Variants in CIT observed in about 807,000 individuals in gnomAD.
CIT encodes the protein citron Rho-interacting kinase.
CIT carries 79 observed loss-of-function variants against 272.7 expected under a neutral mutation model. The ratio of observed to expected loss-of-function variants is 0.29; its 90% confidence interval spans 0.24 to 0.35. The LOEUF is 0.35. Among genes scored for constraint, CIT ranks in the 10% least tolerant of loss-of-function variants. The pLI is 1.00. For synonymous variants in CIT, 948 were observed against 995.6 expected, an observed-to-expected ratio of 0.95 and a Z score of 0.90; for missense variants, 1,909 against 2,618.3, an observed-to-expected ratio of 0.73 and a Z score of 5.91.
intron 10 of CIT, among the ~76,000 whole-genome samples, chr12:119,794,257 A>T (rs1166442764): frequency 6.6e-6 from 1 of 151,476 alleles, no homozygotes; most frequent in African/African-American, 2.5e-5. Flanking sequence ...GACTAGAACA[A>T]TATATTTGTT....
chr12:119,828,533 A>T (rs1056595305), intron 7 of CIT, among the ~76,000 whole-genome samples: 1 of 151,862 alleles, frequency 6.6e-6, no homozygotes, highest in Admixed American at 6.6e-5. Flanking sequence ...GCAGGAGGAC[A>T]CTATCTGATA....
intron 22 of CIT, 116 bp downstream of exon 22, chr12:119,757,255 C>T: frequency 1.5e-6 from 2 of 1,352,196 alleles, no homozygotes; most frequent in Non-Finnish European, 1.0e-6. Context: ...AGTCTGCCCC[C>T]TTAACCACCA....
In CIT at chr12:119,876,031, G is replaced by A. The variant is rs765220366; in HGVS notation, c.96+42C>T. 2.5e-6 allele frequency: 3 copies of A among 1,193,378 alleles called. No homozygotes were observed. The African/African-American group carries it at 4.6e-5, about 18-fold the overall frequency. The allele number at this position is 1,193,378 out of a possible 1,614,324, so 73.9% of individuals were successfully genotyped here. On this transcript the variant is annotated intron_variant, in intron 2 of 47. Coordinates refer to ENST00000392521, the MANE Select transcript of CIT (RefSeq NM_001206999.2). ...AAGGTGAGTGACAAGGAGATTCCAA[G>A]GACACACACAGGTGAGCAAAGTTGG...
At chr12:119,729,624 G>A (rs1958318329) in intron 27 of CIT, among the ~76,000 whole-genome samples, 1 of 152,118 alleles carries the variant, frequency 6.6e-6, no homozygotes, top group Non-Finnish European at 1.5e-5. Context: ...GTATATGTGT[G>A]TATGCATAAA....
Position 119,712,026 on chromosome 12 carries a change from A to G in CIT, c.4854+152T>C, listed in dbSNP as rs1957185842. On this transcript the variant is annotated intron_variant, in intron 37 of 47. Transcript: ENST00000392521. This position sits in a 1 kb window ranked among gnomAD's most constrained non-coding sequence, Gnocchi z 5.2. The stretch of plus-strand genomic sequence containing the variant: ...GTGCTTGTGCCTTCATCACCACCAG[A>G]CTCCTGGCCATGACACAGTCTAGAG... The G allele has an allele frequency of 1.1e-5, 7 of 640,792 alleles. No individual in the cohort carries two copies. The South Asian group carries it at 2.0e-4, about 18-fold the overall frequency. The allele number at this position is 640,792 out of a possible 1,614,324, so 39.7% of individuals were successfully genotyped here. A position where few individuals can be genotyped will look rare whatever the true frequency, so the allele number is the denominator to read the frequency against.
intron 5 of CIT, among the ~76,000 whole-genome samples, chr12:119,836,886 A>C (rs879509257): frequency 1.4e-4 from 21 of 152,234 alleles, no homozygotes; most frequent in Non-Finnish European, 2.8e-4. Flanking sequence ...TAAAGTGGCA[A>C]AAAGACATGT....
chr12:119,749,101 A>C (rs1959855252), intron 23 of CIT, among the ~76,000 whole-genome samples: 1 of 152,248 alleles, frequency 6.6e-6, no homozygotes, highest in African/African-American at 2.4e-5. Flanking sequence ...AAGGCCTCCC[A>C]GCTGCACCGC....
At chr12:119,868,631 G>A (rs374427887) in intron 3 of CIT, among the ~76,000 whole-genome samples, 130 of 152,236 alleles carry the variant, frequency 8.5e-4, no homozygotes, top group African/African-American at 2.6e-3. Context: ...TCAACCTCCC[G>A]GGCTCCAGTG....
rs1348388687 is a variant in CIT at position 119,758,699 on chromosome 12, A to G, written c.2423T>C (p.Met808Thr). Residue 808 changes from methionine (M) to threonine (T), a missense_variant and splice_region_variant, in exon 21 of 48, where the codon ATG (methionine) becomes ACG (threonine). This residue lies in a region of CIT where 530 missense variants were observed against 822.4 expected (regional missense o/e 0.64). Coordinates refer to ENST00000392521, the MANE Select transcript of CIT (RefSeq NM_001206999.2). ...KGKILSEQKA[M>T]INAMDSKIRS... ...GATCTTGGAATCCATAGCATTGATC[A>G]TCTGAAACACAGGGCACCTATGAAA... 3 of 1,599,746 alleles carry G rather than the reference A, an allele frequency of 1.9e-6. No individual in the cohort carries two copies. In the African/African-American group the frequency reaches 4.0e-5, roughly 21 times the overall value.
At chr12:119,739,357 T>C (rs1412618648) in intron 24 of CIT, among the ~76,000 whole-genome samples, 3 of 152,258 alleles carry the variant, frequency 2.0e-5, no homozygotes, top group East Asian at 1.9e-4. Flanking sequence ...CATGAGCTTT[T>C]TGAAAGCTGA....
intron 8 of CIT, among the ~76,000 whole-genome samples, chr12:119,824,141 T>C (rs183934517): frequency 2.5e-4 from 30 of 118,046 alleles, no homozygotes; most frequent in Middle Eastern, 5.6e-3. Context: ...TATATATATA[T>C]ACAGTAAAAC....
At chr12:119,798,643 A>G (rs1199182749) in intron 10 of CIT, among the ~76,000 whole-genome samples, 1 of 152,114 alleles carries the variant, frequency 6.6e-6, no homozygotes, top group Admixed American at 6.5e-5. Flanking sequence ...CAACCCAAAT[A>G]TTTTACTTTC....
chr12:119,726,105 C>T (rs1376885182), intron 28 of CIT, among the ~76,000 whole-genome samples: 2 of 151,876 alleles, frequency 1.3e-5, no homozygotes, highest in African/African-American at 4.8e-5. Context: ...ACCATTTTAA[C>T]CATTTTTTAA....
chr12:119,831,692 AC>A (rs1968645182), intron 7 of CIT, among the ~76,000 whole-genome samples: 1 of 151,978 alleles, frequency 6.6e-6, no homozygotes, highest in African/African-American at 2.4e-5. Context: ...ACACGGTGAA[AC>A]CCCGTCTCTA....
chr12:119,852,839 CTA>C (rs1376620936), intron 4 of CIT, among the ~76,000 whole-genome samples: 5 of 151,710 alleles, frequency 3.3e-5, no homozygotes, highest in Admixed American at 3.3e-4. Context: ...CACATATATT[CTA>C]TGTGTATATA....
intron 24 of CIT, among the ~76,000 whole-genome samples, chr12:119,735,835 C>T (rs766549052): frequency 2.6e-5 from 4 of 152,212 alleles, no homozygotes; most frequent in East Asian, 3.9e-4. Flanking sequence ...CAGGGAAAGA[C>T]GCCAGGAGTT....
intron 10 of CIT, among the ~76,000 whole-genome samples, chr12:119,787,749 A>AAAAAG (rs1964933751): frequency 7.5e-6 from 1 of 132,954 alleles, no homozygotes; most frequent in South Asian, 2.5e-4. Context: ...AAAAAAAAAA[A>AAAAAG]GCAAATAAAT....
At chr12:119,875,381 T>C (rs1000293603) in intron 2 of CIT, among the ~76,000 whole-genome samples, 1 of 152,232 alleles carries the variant, frequency 6.6e-6, no homozygotes, top group Non-Finnish European at 1.5e-5. Context: ...AAGATCTCCC[T>C]TCTAAGGCAA....
rs200239051 is a variant in CIT, at chr12:119,710,520, C to G, written c.4935+20G>C. On this transcript the variant is annotated intron_variant, in intron 38 of 47. Coordinates refer to ENST00000392521, the MANE Select transcript of CIT (RefSeq NM_001206999.2). This position sits in a 1 kb window ranked among gnomAD's most constrained non-coding sequence, Gnocchi z 5.6. ...TGGCTGTAACCAGACACCAGCTGGC[C>G]GTGCCCATGCAAGCATTACCTGGTC... 4.6e-5 allele frequency: 74 copies of G among 1,613,730 alleles called. No homozygotes were observed. The highest frequency in any genetic ancestry group is 6.3e-5 in the Non-Finnish European group (74 of 1,179,612).
Sources: gnomAD v4.1 joint callset for allele counts (sites outside exome capture counted in the v4.1 genomes callset) on GRCh38, gnomAD v4.1.1 for gene constraint, gnomAD v4.1.1 regional missense constraint, Gnocchi (gnomAD v3.1) non-coding constraint, MANE v1.5 for transcripts, NCBI Gene and HGNC (gene_info 2026-07-23, HGNC 2026-07-21) for gene names.